GALNT2: variants seen among roughly 807,000 people sequenced by gnomAD.
GALNT2 encodes UDP-GalNAc:polypeptide N-acetylgalactosaminyltransferase 2.
A neutral mutation model predicts 81.4 loss-of-function variants in GALNT2; 31 were observed. That is an observed-to-expected ratio of 0.38 (90% CI 0.29 to 0.51). GALNT2 has a LOEUF of 0.51. Among genes scored for constraint, GALNT2 ranks in the 20% least tolerant of loss-of-function variants. The pLI, the probability that GALNT2 is intolerant of heterozygous loss-of-function variation, is 0.87. For synonymous variants in GALNT2, 303 were observed against 287.4 expected (o/e 1.05, Z -0.55); for missense variants, 629 against 765.7 (o/e 0.82, Z 2.11).
intron 1 of GALNT2, among the ~76,000 whole-genome samples, chr1:230,142,620 G>T (rs1661781385): frequency 6.6e-6 from 1 of 152,184 alleles, no homozygotes; most frequent in Non-Finnish European, 1.5e-5. Context: ...CACCATTTAA[G>T]TGTCTAGAAC....
intron 1 of GALNT2, among the ~76,000 whole-genome samples, chr1:230,147,526 G>T (rs943377937): frequency 1.3e-5 from 2 of 152,206 alleles, no homozygotes; most frequent in African/African-American, 4.8e-5. Context: ...CGTGTGCCTG[G>T]CTTGGCCACT....
At chr1:230,258,859 A>G (rs1406361007) in intron 11 of GALNT2, 2 of 152,244 alleles carry the variant, frequency 1.3e-5, no homozygotes. Flanking sequence ...GATACCTACC[A>G]GCAAACAGTG....
At chr1:230,092,181 T>TTTTTGTTTTTTTTTTTTG (rs776859825) in intron 1 of GALNT2, 2 of 114,010 alleles carry the variant, frequency 1.8e-5, no homozygotes, top group Admixed American at 9.4e-5. Flanking sequence ...CTTTAGTTTT[T>TTTTTGTTTTTTTTTTTTG]TTTTTTTTTT....
At chr1:230,154,861 C>A (rs752747812) in intron 1 of GALNT2, among the ~76,000 whole-genome samples, 3 of 152,204 alleles carry the variant, frequency 2.0e-5, no homozygotes, top group Non-Finnish European at 4.4e-5. Flanking sequence ...GCAGCCCTGG[C>A]ATACTTACTC....
At chr1:230,258,454 A>G (rs531858236) in intron 11 of GALNT2, among the ~76,000 whole-genome samples, 2 of 151,090 alleles carry the variant, frequency 1.3e-5, no homozygotes, top group South Asian at 4.2e-4. Flanking sequence ...TGAACTCCTG[A>G]CCTCAAGTGA....
At chr1:230,156,904 A>C (rs919743365) in intron 1 of GALNT2, among the ~76,000 whole-genome samples, 1 of 152,236 alleles carries the variant, frequency 6.6e-6, no homozygotes, top group African/African-American at 2.4e-5. Context: ...ACTGTTTTGA[A>C]AATACTTTGG....
chr1:230,074,734 C>G (rs535227043), intron 1 of GALNT2, among the ~76,000 whole-genome samples: 2 of 152,342 alleles, frequency 1.3e-5, no homozygotes, highest in South Asian at 4.1e-4. Flanking sequence ...TAAACACTTT[C>G]ATGGCACTCA....
intron 3 of GALNT2, among the ~76,000 whole-genome samples, chr1:230,207,023 G>A (rs184004066): frequency 6.6e-6 from 1 of 151,282 alleles, no homozygotes; most frequent in African/African-American, 2.4e-5. Context: ...TTTCTCCACA[G>A]TTCCTCTCAC....
chr1:230,098,224 TCC>T (rs768122904), intron 1 of GALNT2, among the ~76,000 whole-genome samples: 113 of 152,298 alleles, frequency 7.4e-4, no homozygotes, highest in Non-Finnish European at 1.2e-3. Context: ...AACATTGTAC[TCC>T]TGTGGAATGC....
intron 1 of GALNT2, among the ~76,000 whole-genome samples, chr1:230,162,787 A>G (rs1281416187): frequency 6.6e-6 from 1 of 152,218 alleles, no homozygotes; most frequent in Non-Finnish European, 1.5e-5. Context: ...CTGCTCAGAG[A>G]GGCTGAGAAG....
At position 230,265,336 on chromosome 1, in the gene GALNT2, T is replaced by G; in HGVS notation, c.1409T>G (p.Val470Gly). 6.2e-7 allele frequency: 1 copy of G among 1,613,902 alleles called. No individual in the cohort carries two copies. The change falls in exon 14 of 16, where the codon GTT becomes GGT. Residue 470 changes from valine to glycine, a missense_variant. Physicochemically the swap from Val to Gly is moderately radical, Grantham distance 109. This residue lies in a region of GALNT2 where 207 missense variants were observed against 225.5 expected (regional missense o/e 0.92). Transcript: ENST00000366672. The part of the protein sequence containing the change: ...LGHFADGVVG[V>G]YECHNAGGNQ... ...CACTTTGCTGATGGTGTGGTTGGAG[T>G]TTATGAATGTCACAATGCTGGGGGA...
chr1:230,232,598 A>G (rs1664899125), intron 3 of GALNT2, among the ~76,000 whole-genome samples: 1 of 152,210 alleles, frequency 6.6e-6, no homozygotes, highest in African/African-American at 2.4e-5. Flanking sequence ...TGCTCGTCTC[A>G]GCAATTCCCG....
chr1:230,159,058 TGA>T (rs955060487), intron 1 of GALNT2, among the ~76,000 whole-genome samples: 1 of 152,080 alleles, frequency 6.6e-6, no homozygotes, highest in Admixed American at 6.6e-5. Flanking sequence ...TGCTTTTGGA[TGA>T]GAGAGAGAGT....
At chr1:230,074,352 TCCAGG>T (rs1457099392) in intron 1 of GALNT2, among the ~76,000 whole-genome samples, 3 of 152,208 alleles carry the variant, frequency 2.0e-5, no homozygotes, top group Non-Finnish European at 2.9e-5. Flanking sequence ...GCATTGGGAT[TCCAGG>T]TGTGAGCGAC....
intron 3 of GALNT2, among the ~76,000 whole-genome samples, chr1:230,211,111 T>C (rs1003265389): frequency 2.6e-5 from 4 of 152,220 alleles, no homozygotes; most frequent in Non-Finnish European, 5.9e-5. Flanking sequence ...TTTGTCCTTA[T>C]GTTGTACTTC....
Position 230,271,465 on chromosome 1 carries a change from G to A in GALNT2, c.1441-2980G>A, listed in dbSNP as rs963172904. On this transcript the variant is annotated intron_variant, in intron 14 of 15. Coordinates refer to ENST00000366672, the MANE Select transcript of GALNT2 (RefSeq NM_004481.5). The surrounding 1 kb of genome is among the most constrained non-coding windows in gnomAD (Gnocchi z 4.2). ...GTGTCATGCCTGTCAACTCAGTTCT[G>A]ACACTGCCTACCCAGAGTTAGCACA... 5.3e-5 allele frequency among the ~76,000 whole-genome samples: 8 copies of A among 152,166 alleles called. No homozygotes were observed. Among genetic ancestry groups the A allele is most frequent in the African/African-American group, 1.9e-4 (8 of 41,426 alleles).
At chr1:230,142,321 T>C (rs1279030202) in intron 1 of GALNT2, among the ~76,000 whole-genome samples, 1 of 152,188 alleles carries the variant, frequency 6.6e-6, no homozygotes, top group Admixed American at 6.5e-5. Flanking sequence ...ACACAGGGTC[T>C]GCGAGAACTC....
In GALNT2 at chr1:230,279,605, C is replaced by A; in HGVS notation, c.*147C>A. 2 of 1,008,178 alleles carry A rather than the reference C, an allele frequency of 2.0e-6. No homozygotes were observed. The highest frequency in any genetic ancestry group is 2.8e-6 in the Non-Finnish European group (2 of 702,544). The allele number at this position is 1,008,178 out of a possible 1,614,324, so 62.5% of individuals were successfully genotyped here. On this transcript the variant is annotated 3_prime_UTR_variant, in exon 16 of 16. Coordinates refer to ENST00000366672, the MANE Select transcript of GALNT2 (RefSeq NM_004481.5). This position sits in a 1 kb window ranked among gnomAD's most constrained non-coding sequence, Gnocchi z 4.6. ...GTCTGAAAGTCAAACTTCGGCAAGG[C>A]ACGGACGACTGTGCAGACACAGCAG...
At chr1:230,073,721 G>A (rs367588519) in intron 1 of GALNT2, among the ~76,000 whole-genome samples, 3 of 152,176 alleles carry the variant, frequency 2.0e-5, no homozygotes, top group African/African-American at 7.2e-5. Flanking sequence ...TCACTGAGGC[G>A]GGCTGTCACA....
Sources: allele counts gnomAD v4.1 joint callset (sites outside exome capture counted in the v4.1 genomes callset), GRCh38; gene constraint gnomAD v4.1.1; regional missense constraint gnomAD v4.1.1; non-coding constraint Gnocchi (gnomAD v3.1); transcripts MANE v1.5; gene names NCBI Gene and HGNC (gene_info 2026-07-23, HGNC 2026-07-21).